RAB11FIP5: variants seen among roughly 807,000 people sequenced by gnomAD.
RAB11FIP5 encodes the protein RAB11 family interacting protein 5.
A neutral mutation model predicts 85.1 loss-of-function variants in RAB11FIP5; 48 were observed. That is an observed-to-expected ratio of 0.56 (90% CI 0.45 to 0.72). The LOEUF (loss-of-function observed/expected upper bound fraction) is 0.72. Ranked by LOEUF, RAB11FIP5 falls within the 30% of genes least tolerant of loss-of-function variation. The pLI is 0.00. For synonymous variants in RAB11FIP5, 729 were observed against 727.3 expected (o/e 1.00, Z -0.04); for missense variants, 1,491 against 1,687.0 (o/e 0.88, Z 2.04).
chr2:73,088,539 C>A lies in RAB11FIP5; in HGVS notation c.1079G>T (p.Gly360Val). The A allele has an allele frequency of 1.2e-6, 2 of 1,613,916 alleles. No homozygotes were observed. Among genetic ancestry groups the A allele is most frequent in the Non-Finnish European group, 8.5e-7 (1 of 1,180,042 alleles). ...CAAGGAGCCAGAGGATGGAAGCGAG[C>A]CCGAGATGGAGCTGCGGTGCCGCAC... is the stretch of plus-strand genomic sequence containing the variant. The part of the protein sequence containing the change: ...GPVRHRSSIS[G>V]SLPSSGSLQA... Residue 360 changes from glycine to valine, a missense_variant, in exon 3 of 6, where the codon GGC becomes GTC. Gly to Val is a moderately radical substitution (Grantham distance 109). This residue lies in a region of RAB11FIP5 where 1,211 missense variants were observed against 1,338.0 expected (regional missense o/e 0.91). Coordinates refer to ENST00000486777, the MANE Select transcript of RAB11FIP5 (RefSeq NM_001371272.1).
chr2:73,080,800 T>G lies in RAB11FIP5; in HGVS notation c.2432A>C (p.Gln811Pro), dbSNP rs1176618081. Reference sequence around the variant, plus strand: ...TTCGCCTCGGGAGGACTCATCGTCCTGGCCCTCAGCAGCGCTCTCTGGGCC... The same window carrying G: ...TTCGCCTCGGGAGGACTCATCGTCCGGGCCCTCAGCAGCGCTCTCTGGGCC... ...LPGPESAAEG[Q>P]DDESSRGENQ... The change falls in exon 4 of 6, where the codon CAG (glutamine) becomes CCG (proline). Residue 811 changes from glutamine to proline, a missense_variant. Physicochemically the swap from Gln to Pro is moderately conservative, Grantham distance 76. Transcript: ENST00000486777. 1 of 1,232,380 alleles carries G rather than the reference T, an allele frequency of 8.1e-7. No individual in the cohort carries two copies. The highest frequency in any genetic ancestry group is 3.2e-5 in the East Asian group (1 of 31,732). 76.3% of individuals were successfully genotyped at this position (1,232,380 alleles called of 1,614,324 possible). A position where few individuals can be genotyped will look rare whatever the true frequency, so the allele number is the denominator to read the frequency against.
At chr2:73,102,552 G>A (rs1239240933) in intron 1 of RAB11FIP5, among the ~76,000 whole-genome samples, 1 of 152,064 alleles carries the variant, frequency 6.6e-6, no homozygotes, top group Non-Finnish European at 1.5e-5. Context: ...AGAGCCAGGG[G>A]GGCCCCTGGG....
chr2:73,088,150 T>C lies in RAB11FIP5; in HGVS notation c.1468A>G (p.Ile490Val), dbSNP rs990948491. 26 of 1,613,940 alleles carry C rather than the reference T, an allele frequency of 1.6e-5. No homozygotes were observed. In the East Asian group the frequency reaches 5.3e-4, roughly 33 times the overall value. The change falls in exon 3 of 6, where the codon ATC (isoleucine) becomes GTC (valine). Residue 490 changes from isoleucine (I) to valine (V), a missense_variant. By Grantham distance (29) the Ile-to-Val change is conservative (BLOSUM62 3). This residue lies in a region of RAB11FIP5 where 1,211 missense variants were observed against 1,338.0 expected (regional missense o/e 0.91). Transcript: ENST00000486777. ...GAGTGATGTGGGGAGGCCCCCAGGA[T>C]GGGACCCCCCTTTTCCCCCAGAGAG... ...RSSLGEKGGP[I>V]LGASPHHSSS... is the part of the protein sequence containing the mutation.
chr2:73,082,292 G>A (rs1574294463), intron 3 of RAB11FIP5, among the ~76,000 whole-genome samples: 1 of 152,144 alleles, frequency 6.6e-6, no homozygotes, highest in South Asian at 2.1e-4. Flanking sequence ...ACAAACATGA[G>A]CCACTAAGCC....
rs775116698 is a variant in RAB11FIP5, at chr2:73,088,177, T to G, written c.1441A>C (p.Ser481Arg). 1.1e-5 allele frequency: 17 copies of G among 1,614,026 alleles called. No homozygotes were observed. Among genetic ancestry groups the G allele is most frequent in the Non-Finnish European group, 1.4e-5 (17 of 1,180,008 alleles). ...GLSRSELGRRSSLGEKGGPIL... is the reference protein window; with the variant it reads ...GLSRSELGRRRSLGEKGGPIL... ...GGACCCCCCTTTTCCCCCAGAGAGCTTCGGCGACCCAACTCGCTCCGACTT... is the reference window on the plus strand; with the variant it reads ...GGACCCCCCTTTTCCCCCAGAGAGCGTCGGCGACCCAACTCGCTCCGACTT... The change falls in exon 3 of 6, where the codon AGC (serine) becomes CGC (arginine). Residue 481 changes from serine (S) to arginine (R), a missense_variant. Coordinates refer to ENST00000486777, the MANE Select transcript of RAB11FIP5 (RefSeq NM_001371272.1).
rs372506810 is a variant in RAB11FIP5 at position 73,075,737 on chromosome 2, C to T, written c.3772-13G>A. 1.3e-5 allele frequency: 21 copies of T among 1,583,322 alleles called. No homozygotes were observed. In the South Asian group the frequency reaches 1.5e-4, roughly 11 times the overall value. On this transcript the variant is annotated splice_polypyrimidine_tract_variant and intron_variant, in intron 5 of 5. Coordinates refer to ENST00000486777, the MANE Select transcript of RAB11FIP5 (RefSeq NM_001371272.1). The surrounding 1 kb of genome is among the most constrained non-coding windows in gnomAD (Gnocchi z 4.6). ...GCACAGCTGAGTCCTGAGGCCGGAC[C>T]GAAGACAGTGAGCAGGGCAGCCCTA...
intron 1 of RAB11FIP5, among the ~76,000 whole-genome samples, chr2:73,106,717 A>C (rs545713188): frequency 2.0e-5 from 3 of 152,330 alleles, no homozygotes; most frequent in Non-Finnish European, 4.4e-5. Flanking sequence ...GGTCTAATGG[A>C]AACCACACAG....
intron 3 of RAB11FIP5, chr2:73,084,181 C>A (rs1303126831): frequency 2.6e-5 from 4 of 152,248 alleles, no homozygotes; most frequent in African/African-American, 9.7e-5. Flanking sequence ...CCAGGCCTGG[C>A]AGGCTTTACA....
chr2:73,102,471 C>T (rs927429383), intron 1 of RAB11FIP5, among the ~76,000 whole-genome samples: 4 of 152,196 alleles, frequency 2.6e-5, no homozygotes, highest in Non-Finnish European at 5.9e-5. Flanking sequence ...GCTAAGGTAA[C>T]AGCCCAGAGC....
At position 73,088,677 on chromosome 2, in the gene RAB11FIP5, C is replaced by T. The variant is rs1165369482; in HGVS notation, c.941G>A (p.Arg314Gln). 4.3e-6 allele frequency: 7 copies of T among 1,613,062 alleles called. No individual in the cohort carries two copies. Among genetic ancestry groups the T allele is most frequent in the African/African-American group, 2.7e-5 (2 of 75,070 alleles). ...RTYSDEANQM[R>Q]VAPPRALLDL... Reference sequence around the variant, plus strand: ...CAGAAGGGCCCGAGGAGGAGCCACTCGCATCTGGTTGGCCTCATCGCTGTA... The same window carrying T: ...CAGAAGGGCCCGAGGAGGAGCCACTTGCATCTGGTTGGCCTCATCGCTGTA... Residue 314 changes from arginine (R) to glutamine (Q), a missense_variant, in exon 3 of 6, where the codon CGA becomes CAA. By Grantham distance (43) the Arg-to-Gln change is conservative. This residue lies in a region of RAB11FIP5 where 1,211 missense variants were observed against 1,338.0 expected (regional missense o/e 0.91). Transcript: ENST00000486777.
At chr2:73,091,478 C>T (rs1358357766) in intron 1 of RAB11FIP5, among the ~76,000 whole-genome samples, 1 of 152,104 alleles carries the variant, frequency 6.6e-6, no homozygotes, top group Non-Finnish European at 1.5e-5. Context: ...CACACGCACA[C>T]AGAGCTACCC....
At chr2:73,076,824 T>C (rs1032670498) in intron 4 of RAB11FIP5, among the ~76,000 whole-genome samples, 3 of 152,292 alleles carry the variant, frequency 2.0e-5, no homozygotes, top group African/African-American at 7.2e-5. Flanking sequence ...ATTTGTATAA[T>C]TTCTTACCTT....
chr2:73,075,079 C>T lies in RAB11FIP5; in HGVS notation c.*442G>A. ...TCATTGTCCCAGTAATACTAGAAGC[C>T]CCTCCAGGGACTGGAGGGAAATGAA... On this transcript the variant is annotated 3_prime_UTR_variant, in exon 6 of 6. Coordinates refer to ENST00000486777, the MANE Select transcript of RAB11FIP5 (RefSeq NM_001371272.1). The surrounding 1 kb of genome is among the most constrained non-coding windows in gnomAD (Gnocchi z 4.6). 2.7e-6 allele frequency: 1 copy of T among 370,076 alleles called. No homozygotes were observed. Among genetic ancestry groups the T allele is most frequent in the Middle Eastern group, 3.8e-4 (1 of 2,660 alleles). The allele number at this position is 370,076 out of a possible 1,614,324, so 22.9% of individuals were successfully genotyped here.
intron 1 of RAB11FIP5, among the ~76,000 whole-genome samples, chr2:73,110,020 T>C (rs750916039): frequency 9.2e-5 from 14 of 152,224 alleles, no homozygotes; most frequent in Non-Finnish European, 1.9e-4. Flanking sequence ...CAAGAGTTTA[T>C]ATGACTTGCC....
rs1448899809 is a variant in RAB11FIP5 at position 73,083,370 on chromosome 2, G to T, written c.1569-1707C>A. Among the ~76,000 whole-genome samples the T allele has an allele frequency of 3.3e-5, 5 of 152,172 alleles. No individual in the cohort carries two copies. The East Asian group carries it at 9.6e-4, about 29-fold the overall frequency. On this transcript the variant is annotated intron_variant, in intron 3 of 5. Coordinates refer to ENST00000486777, the MANE Select transcript of RAB11FIP5 (RefSeq NM_001371272.1). ...CACAGGTAGCTCCAAAGATGGTTCT[G>T]GGAGAAGGGAGGTCAGCCTCACAGG...
chr2:73,088,873 G>A lies in RAB11FIP5; in HGVS notation c.868+6C>T, dbSNP rs1684148341. 1.9e-6 allele frequency: 3 copies of A among 1,563,016 alleles called. No individual in the cohort carries two copies. Among genetic ancestry groups the A allele is most frequent in the Non-Finnish European group, 1.7e-6 (2 of 1,155,250 alleles). The stretch of plus-strand genomic sequence containing the variant: ...TCCCCAGGGCGGCGGCCCTGTGCTT[G>A]CTCACCCCCTTCAGTGGACAGCCAG... On this transcript the variant is annotated splice_donor_region_variant and intron_variant, in intron 2 of 5. Coordinates refer to ENST00000486777, the MANE Select transcript of RAB11FIP5 (RefSeq NM_001371272.1).
chr2:73,091,221 T>C (rs1291406349), intron 1 of RAB11FIP5, among the ~76,000 whole-genome samples: 1 of 152,180 alleles, frequency 6.6e-6, no homozygotes, highest in African/African-American at 2.4e-5. Context: ...GATATGACTA[T>C]GAGGCTTAGA....
In RAB11FIP5 at chr2:73,075,283, G is replaced by A. The variant is rs1683829263; in HGVS notation, c.*238C>T. On this transcript the variant is annotated 3_prime_UTR_variant, in exon 6 of 6. Transcript: ENST00000486777. This position sits in a 1 kb window ranked among gnomAD's most constrained non-coding sequence, Gnocchi z 4.6. ...CCCAAAGCTGAGGGATATGAAAACA[G>A]GCAGGTGGGAAAGACCCAGGGCTCC... 1 of 700,578 alleles carries A rather than the reference G, an allele frequency of 1.4e-6. No homozygotes were observed. Among genetic ancestry groups the A allele is most frequent in the Non-Finnish European group, 2.6e-6 (1 of 384,406 alleles). The allele number at this position is 700,578 out of a possible 1,614,324, so 43.4% of individuals were successfully genotyped here.
Position 73,075,731 on chromosome 2 carries a change from C to T in RAB11FIP5, c.3772-7G>A, listed in dbSNP as rs1192647949. The T allele has an allele frequency of 6.3e-7, 1 of 1,589,254 alleles. No individual in the cohort carries two copies. On this transcript the variant is annotated splice_region_variant and splice_polypyrimidine_tract_variant and intron_variant, in intron 5 of 5. Transcript: ENST00000486777. The surrounding 1 kb of genome is among the most constrained non-coding windows in gnomAD (Gnocchi z 4.6). ...GGTCCAGCACAGCTGAGTCCTGAGG[C>T]CGGACCGAAGACAGTGAGCAGGGCA...
Sources: allele counts gnomAD v4.1 joint callset (sites outside exome capture counted in the v4.1 genomes callset), GRCh38; gene constraint gnomAD v4.1.1; regional missense constraint gnomAD v4.1.1; non-coding constraint Gnocchi (gnomAD v3.1); transcripts MANE v1.5; gene names NCBI Gene and HGNC (gene_info 2026-07-23, HGNC 2026-07-21).